ADGRL2: variants seen among roughly 807,000 people sequenced by gnomAD.
The protein encoded by ADGRL2 is calcium-independent alpha-latrotoxin receptor 2.
ADGRL2 carries 44 observed loss-of-function variants against 157.4 expected under a neutral mutation model. The ratio of observed to expected loss-of-function variants is 0.28; its 90% CI spans 0.22 to 0.36. The LOEUF is 0.36. Ranked by LOEUF, ADGRL2 falls within the 10% of genes least tolerant of loss-of-function variation. The pLI is 1.00. For missense variants in ADGRL2, 1,510 were observed against 1,768.9 expected, an observed-to-expected ratio of 0.85 and a Z score of 2.63; for synonymous variants, 585 against 624.7, an observed-to-expected ratio of 0.94 and a Z score of 0.95.
intron 2 of ADGRL2, among the ~76,000 whole-genome samples, chr1:81,549,395 T>G (rs572256102): frequency 1.8e-4 from 28 of 152,300 alleles, no homozygotes; most frequent in African/African-American, 6.5e-4. Flanking sequence ...TTGGAAGCCT[T>G]ACAAAGTTAC....
chr1:81,829,000 C>T (rs1254884426), intron 1 of ADGRL2, among the ~76,000 whole-genome samples: 3 of 151,998 alleles, frequency 2.0e-5, no homozygotes, highest in African/African-American at 7.3e-5. Flanking sequence ...CAACCTCCTC[C>T]TCCTGGGTTT....
At chr1:81,721,780 C>G in intron 1 of ADGRL2, 1 of 1,373,392 alleles carries the variant, frequency 7.3e-7, no homozygotes, top group Non-Finnish European at 1.0e-6. Flanking sequence ...AAATGTGCTT[C>G]CTGAGGGAGT....
intron 1 of ADGRL2, among the ~76,000 whole-genome samples, chr1:81,803,460 C>T (rs528818043): frequency 1.3e-5 from 2 of 152,204 alleles, no homozygotes; most frequent in South Asian, 4.1e-4. Flanking sequence ...TCTGTTCACT[C>T]TGTGCTCTCA....
intron 3 of ADGRL2, among the ~76,000 whole-genome samples, chr1:81,686,846 T>C (rs994998641): frequency 2.6e-5 from 4 of 152,180 alleles, no homozygotes; most frequent in African/African-American, 9.6e-5. Flanking sequence ...ATAATTGTCA[T>C]TCAGTTTGAA....
chr1:81,727,376 T>A (rs2084566870), intron 1 of ADGRL2, among the ~76,000 whole-genome samples: 1 of 152,198 alleles, frequency 6.6e-6, no homozygotes, highest in Non-Finnish European at 1.5e-5. Context: ...AAAGTATATG[T>A]ATATTAGTAC....
chr1:81,803,095 T>C (rs1382121138), intron 1 of ADGRL2, among the ~76,000 whole-genome samples: 6 of 151,342 alleles, frequency 4.0e-5, no homozygotes, highest in African/African-American at 1.5e-4. Context: ...GCTGCTGGAG[T>C]GGCTGTGGGG....
intron 3 of ADGRL2, among the ~76,000 whole-genome samples, chr1:81,630,542 C>A (rs17456745): frequency 0.34 from 51,064 of 151,866 alleles, 8,719 homozygotes; most frequent in South Asian, 0.36. Flanking sequence ...GTGGTTATTT[C>A]CATCATAAAT....
At chr1:81,624,490 G>A (rs746378699) in intron 3 of ADGRL2, among the ~76,000 whole-genome samples, 1 of 152,082 alleles carries the variant, frequency 6.6e-6, no homozygotes, top group South Asian at 2.1e-4. Flanking sequence ...GCTGAGGCAT[G>A]AGAATCACTT....
chr1:81,781,449 A>G (rs1199310943), intron 2 of ADGRL2, among the ~76,000 whole-genome samples: 2 of 152,192 alleles, frequency 1.3e-5, no homozygotes, highest in African/African-American at 4.8e-5. Flanking sequence ...CTAAAAAAAA[A>G]GGTTGAAATG....
chr1:81,509,233 C>T (rs1468357803), intron 2 of ADGRL2, among the ~76,000 whole-genome samples: 4 of 152,166 alleles, frequency 2.6e-5, no homozygotes, highest in Non-Finnish European at 5.9e-5. Context: ...TTCTGATACC[C>T]TGTTAACTGC....
At chr1:81,529,996 C>T (rs1157854973) in intron 2 of ADGRL2, among the ~76,000 whole-genome samples, 4 of 152,132 alleles carry the variant, frequency 2.6e-5, no homozygotes, top group African/African-American at 9.7e-5. Flanking sequence ...CAATAACATG[C>T]CCAAGGTCAC....
At chr1:81,598,185 G>A (rs916184044) in intron 3 of ADGRL2, among the ~76,000 whole-genome samples, 2 of 152,186 alleles carry the variant, frequency 1.3e-5, no homozygotes, top group African/African-American at 4.8e-5. Context: ...TGAATGATGG[G>A]TGGGGTAGAA....
intron 1 of ADGRL2, among the ~76,000 whole-genome samples, chr1:81,345,646 G>A (rs1372719062): frequency 6.6e-6 from 1 of 152,018 alleles, no homozygotes; most frequent in South Asian, 2.1e-4. Context: ...AGAAAAAACA[G>A]GTGAATTGTT....
intron 2 of ADGRL2, among the ~76,000 whole-genome samples, chr1:81,469,541 A>T (rs1186043815): frequency 1.3e-5 from 2 of 152,054 alleles, no homozygotes; most frequent in Non-Finnish European, 2.9e-5. Context: ...TCAATTTCCT[A>T]TCTTTAGCTA....
intron 2 of ADGRL2, among the ~76,000 whole-genome samples, chr1:81,889,471 A>G (rs1034931252): frequency 3.3e-5 from 5 of 152,210 alleles, no homozygotes; most frequent in Admixed American, 6.5e-5. Context: ...CTTCAATTCT[A>G]TGAACGCTGA....
intron 12 of ADGRL2, 106 bp from the exon 13 acceptor site, chr1:81,966,298 A>G (rs1657022541): frequency 1.3e-6 from 2 of 1,520,064 alleles, no homozygotes; most frequent in Non-Finnish European, 1.8e-6. Context: ...ATTTAAAAGC[A>G]GATATAAAAC....
At position 81,659,052 on chromosome 1, in the gene ADGRL2, A is replaced by ATTTT. The variant is rs55832240; in HGVS notation, c.-143+78096_-143+78099dup. 9.4e-4 allele frequency among the ~76,000 whole-genome samples: 57 copies of ATTTT among 60,556 alleles called. 3 individuals carry two copies. The highest frequency in any genetic ancestry group is 3.5e-3 in the African/African-American group (44 of 12,728). 39.7% of individuals were successfully genotyped at this position (60,556 alleles called of 152,430 possible). On this transcript the variant is annotated intron_variant, in intron 3 of 24. Transcript: ENST00000370721. The stretch of plus-strand genomic sequence containing the variant: ...CAGGCGTGAGCCACCACACCCAGCA[A>ATTTT]TTTTTTTTTTTTTTTTTTTTTTTTT...
At chr1:81,514,244 G>C (rs1384188531) in intron 2 of ADGRL2, among the ~76,000 whole-genome samples, 2 of 152,124 alleles carry the variant, frequency 1.3e-5, no homozygotes, top group Admixed American at 1.3e-4. Context: ...TATTATGTTT[G>C]TTTAGAGTAT....
At chr1:81,364,710 T>A (rs892665637) in intron 1 of ADGRL2, among the ~76,000 whole-genome samples, 3 of 152,050 alleles carry the variant, frequency 2.0e-5, no homozygotes, top group African/African-American at 7.2e-5. Flanking sequence ...ATTCTTTTTT[T>A]TTTTTTCGAG....
Sources: allele counts gnomAD v4.1 joint callset (sites outside exome capture counted in the v4.1 genomes callset), GRCh38; gene constraint gnomAD v4.1.1; transcripts MANE v1.5; gene names NCBI Gene and HGNC (gene_info 2026-07-23, HGNC 2026-07-21).